The following THSD7B variants were observed in gnomAD, a reference collection of about 807,000 sequenced individuals.
The protein encoded by THSD7B is thrombospondin type-1 domain-containing protein 7B.
A neutral mutation model predicts 213.6 loss-of-function variants in THSD7B; 138 were observed. The observed-to-expected ratio is 0.65, with a 90% CI of 0.56 to 0.74. The LOEUF is 0.74. Ranked by LOEUF, THSD7B falls within the 30% of genes least tolerant of loss-of-function variation. THSD7B has a pLI of 0.00. For missense variants in THSD7B, 1,931 were observed against 1,991.5 expected (o/e 0.97, Z 0.58); for synonymous variants, 742 against 687.0 (o/e 1.08, Z -1.25).
intron 20 of THSD7B, among the ~76,000 whole-genome samples, chr2:137,629,185 C>T (rs1323664127): frequency 6.6e-6 from 1 of 152,178 alleles, no homozygotes; most frequent in African/African-American, 2.4e-5. Context: ...AGCCCAAAGG[C>T]AGCCAATCCC....
At chr2:137,078,554 G>T (rs1418245694) in intron 3 of THSD7B, among the ~76,000 whole-genome samples, 1 of 151,902 alleles carries the variant, frequency 6.6e-6, no homozygotes, top group East Asian at 1.9e-4. Context: ...TTTTTAGCAG[G>T]ATTATGGTTT....
chr2:137,665,597 C>T (rs1683430762), intron 26 of THSD7B, among the ~76,000 whole-genome samples: 1 of 151,964 alleles, frequency 6.6e-6, no homozygotes, highest in South Asian at 2.1e-4. Context: ...TACTAATATA[C>T]TTATTTACCT....
intron 2 of THSD7B, among the ~76,000 whole-genome samples, chr2:136,913,683 GC>G (rs1684305731): frequency 6.6e-6 from 1 of 152,256 alleles, no homozygotes; most frequent in African/African-American, 2.4e-5. Flanking sequence ...GAGGGTGGAA[GC>G]CCCAAACCTT....
At chr2:136,869,137 C>T (rs969379326) in intron 1 of THSD7B, among the ~76,000 whole-genome samples, 2 of 151,974 alleles carry the variant, frequency 1.3e-5, no homozygotes, top group East Asian at 3.9e-4. Flanking sequence ...AAAGTATAGG[C>T]AATTTAGAAC....
chr2:137,112,474 C>A (rs1037135243), intron 4 of THSD7B, among the ~76,000 whole-genome samples: 7 of 151,996 alleles, frequency 4.6e-5, no homozygotes. Flanking sequence ...TTTTTTGTTA[C>A]TTTATATACA....
Position 137,434,776 on chromosome 2 carries a change from C to T in THSD7B, c.2960-16069C>T, listed in dbSNP as rs1173121559. ...GTTATTTTCTCCTTATGATGATGTACGTCTCCTCTACTCCTGATTCAAGTC... is the reference window on the plus strand; with the variant it reads ...GTTATTTTCTCCTTATGATGATGTATGTCTCCTCTACTCCTGATTCAAGTC... On this transcript the variant is annotated intron_variant, in intron 14 of 27. Coordinates refer to ENST00000409968, the MANE Select transcript of THSD7B (RefSeq NM_001316349.2). Among the ~76,000 whole-genome samples, 9 of 152,130 alleles carry T rather than the reference C, an allele frequency of 5.9e-5. No individual in the cohort carries two copies. The East Asian group carries it at 1.3e-3, about 23-fold the overall frequency.
chr2:137,626,929 G>A (rs970171216), intron 20 of THSD7B, among the ~76,000 whole-genome samples: 1 of 152,168 alleles, frequency 6.6e-6, no homozygotes, highest in African/African-American at 2.4e-5. Context: ...AGTCCATTTT[G>A]AATTGCTATA....
At chr2:137,307,335 C>T (rs991428336) in intron 12 of THSD7B, among the ~76,000 whole-genome samples, 1 of 152,048 alleles carries the variant, frequency 6.6e-6, no homozygotes, top group Non-Finnish European at 1.5e-5. Flanking sequence ...GTCAGGGTAA[C>T]TCGCAGCCCG....
At chr2:137,627,630 G>A (rs1223965910) in intron 20 of THSD7B, among the ~76,000 whole-genome samples, 1 of 152,180 alleles carries the variant, frequency 6.6e-6, no homozygotes, top group African/African-American at 2.4e-5. Context: ...AATTAAAAAG[G>A]TGCTCATCTG....
Position 137,521,773 on chromosome 2 carries a change from C to T in THSD7B, c.3139-41448C>T, listed in dbSNP as rs537408088. On this transcript the variant is annotated intron_variant, in intron 15 of 27. Transcript: ENST00000409968. The stretch of plus-strand genomic sequence containing the variant: ...TCTGTCTCCCTGTAGAGCAGGAGTG[C>T]TTCTTAGCATATGGTCACCATGTCA... Among the ~76,000 whole-genome samples the T allele has an allele frequency of 2.8e-4, 42 of 152,308 alleles. No homozygotes were observed. In the South Asian group the frequency reaches 7.0e-3, roughly 26 times the overall value.
intron 5 of THSD7B, among the ~76,000 whole-genome samples, chr2:137,127,285 T>G (rs1688647411): frequency 6.6e-6 from 1 of 152,114 alleles, no homozygotes; most frequent in Non-Finnish European, 1.5e-5. Context: ...GAGATTAGAA[T>G]TTTTACTCAG....
intron 15 of THSD7B, among the ~76,000 whole-genome samples, chr2:137,525,495 T>G (rs1384518334): frequency 2.6e-5 from 4 of 152,166 alleles, no homozygotes; most frequent in Non-Finnish European, 5.9e-5. Context: ...GCCACTATAA[T>G]TCTCTCTTCT....
chr2:136,912,921 G>A (rs191190896), intron 2 of THSD7B, among the ~76,000 whole-genome samples: 185 of 152,292 alleles, frequency 1.2e-3, no homozygotes, highest in African/African-American at 3.3e-3. Context: ...AGAGTGGGGC[G>A]TTGCTGAAAA....
chr2:137,294,720 C>T (rs537461370), intron 12 of THSD7B, among the ~76,000 whole-genome samples: 1 of 151,228 alleles, frequency 6.6e-6, no homozygotes, highest in African/African-American at 2.4e-5. Context: ...TAGACTTTAT[C>T]ATAGGTATGT....
intron 7 of THSD7B, among the ~76,000 whole-genome samples, chr2:137,172,284 TA>T (rs1680267918): frequency 6.6e-6 from 1 of 152,158 alleles, no homozygotes; most frequent in African/African-American, 2.4e-5. Context: ...TGCCTTATTC[TA>T]ATGAAGTAAT....
At chr2:137,183,229 G>A (rs1256391242) in intron 7 of THSD7B, among the ~76,000 whole-genome samples, 2 of 152,112 alleles carry the variant, frequency 1.3e-5, no homozygotes. Context: ...TGAGGAAACA[G>A]TACAGTGCGT....
At chr2:137,563,545 G>A (rs774754119) in intron 16 of THSD7B, among the ~76,000 whole-genome samples, 191 bp downstream of exon 16, 1 of 152,110 alleles carries the variant, frequency 6.6e-6, no homozygotes, top group African/African-American at 2.4e-5. Flanking sequence ...GGTTCCCTCT[G>A]CAGTGCAGCC....
At chr2:136,922,440 A>T (rs1400967681) in intron 2 of THSD7B, among the ~76,000 whole-genome samples, 1 of 152,222 alleles carries the variant, frequency 6.6e-6, no homozygotes. Flanking sequence ...TCATAAAACC[A>T]CATTATTTTG....
At chr2:137,205,833 G>A (rs763397776) in intron 7 of THSD7B, among the ~76,000 whole-genome samples, 3 of 151,994 alleles carry the variant, frequency 2.0e-5, no homozygotes, top group Non-Finnish European at 4.4e-5. Context: ...TTTTACAGCA[G>A]TTTGCATTAA....
Sources: gnomAD v4.1 joint callset for allele counts (sites outside exome capture counted in the v4.1 genomes callset) on GRCh38, gnomAD v4.1.1 for gene constraint, MANE v1.5 for transcripts, NCBI Gene and HGNC (gene_info 2026-07-23, HGNC 2026-07-21) for gene names.